Variants in SOX6 observed in about 807,000 individuals in gnomAD.
SOX6 encodes the protein transcription factor SOX-6.
A neutral mutation model predicts 97.8 loss-of-function variants in SOX6; 11 were observed. The ratio of observed to expected loss-of-function variants is 0.11; its 90% CI spans 0.07 to 0.19. The LOEUF (loss-of-function observed/expected upper bound fraction) is 0.19, where lower values mean the gene tolerates loss of function less well. Among genes scored for constraint, SOX6 ranks in the 10% least tolerant of loss-of-function variants. The pLI is 1.00. For missense variants in SOX6, 810 were observed against 1,039.5 expected, an observed-to-expected ratio of 0.78 and a Z score of 3.04; for synonymous variants, 360 against 371.4, an observed-to-expected ratio of 0.97 and a Z score of 0.35.
At chr11:16,591,775 T>C (rs1033771964) in intron 4 of SOX6, among the ~76,000 whole-genome samples, 1 of 152,152 alleles carries the variant, frequency 6.6e-6, no homozygotes, top group African/African-American at 2.4e-5. Flanking sequence ...ACAAGCCAAA[T>C]TTTAACAAAA....
chr11:16,480,278 T>C (rs931445656), upstream of SOX6, among the ~76,000 whole-genome samples: 17 of 152,180 alleles, frequency 1.1e-4, no homozygotes, highest in Non-Finnish European at 2.9e-5. Flanking sequence ...ATGTCTAATG[T>C]ATGCCAAAAT....
chr11:16,186,414 G>A (rs1851476503), intron 5 of SOX6, among the ~76,000 whole-genome samples: 1 of 152,104 alleles, frequency 6.6e-6, no homozygotes, highest in South Asian at 2.1e-4. Flanking sequence ...TTCTGGAACA[G>A]AACCCCCTTT....
chr11:16,280,400 G>A (rs1015717936), intron 3 of SOX6, among the ~76,000 whole-genome samples: 4 of 149,834 alleles, frequency 2.7e-5, no homozygotes, highest in African/African-American at 4.9e-5. Context: ...TATAGAAACC[G>A]TATGCATGAC....
chr11:16,366,326 G>A (rs1034928440), intron 1 of SOX6, among the ~76,000 whole-genome samples: 1 of 152,092 alleles, frequency 6.6e-6, no homozygotes, highest in African/African-American at 2.4e-5. Context: ...ATCCTGAAAA[G>A]GGAGCAAGTT....
chr11:16,562,126 T>C (rs1847822133), intron 4 of SOX6, among the ~76,000 whole-genome samples: 1 of 152,216 alleles, frequency 6.6e-6, no homozygotes, highest in Admixed American at 6.5e-5. Context: ...CATGTTCTTG[T>C]GTTTTTAAAA....
At chr11:16,609,461 G>C (rs899506160) in intron 4 of SOX6, among the ~76,000 whole-genome samples, 2 of 152,214 alleles carry the variant, frequency 1.3e-5, no homozygotes, top group African/African-American at 2.4e-5. Flanking sequence ...AGGACATATG[G>C]ACCAAAAGAG....
chr11:16,641,006 TG>T (rs1452399693), intron 3 of SOX6, among the ~76,000 whole-genome samples: 1 of 152,236 alleles, frequency 6.6e-6, no homozygotes, highest in African/African-American at 2.4e-5. Context: ...GATGTTAGGT[TG>T]TCCATTTTAG....
At chr11:16,667,810 G>A (rs1158834532) in intron 3 of SOX6, among the ~76,000 whole-genome samples, 1 of 152,040 alleles carries the variant, frequency 6.6e-6, no homozygotes, top group Non-Finnish European at 1.5e-5. Flanking sequence ...TAAATGTGGT[G>A]CATAAACTAC....
At chr11:16,411,336 C>A (rs1271406527) in intron 1 of SOX6, among the ~76,000 whole-genome samples, 1 of 152,050 alleles carries the variant, frequency 6.6e-6, no homozygotes, top group Non-Finnish European at 1.5e-5. Context: ...CTAGTTAGCA[C>A]CCCAATCTTT....
intron 10 of SOX6, among the ~76,000 whole-genome samples, 189 bp downstream of exon 10, chr11:16,055,563 C>T (rs765947280): frequency 7.2e-5 from 11 of 152,150 alleles, no homozygotes; most frequent in Admixed American, 2.6e-4. Flanking sequence ...TCTCACAATA[C>T]GGCACTATTG....
chr11:16,078,520 A>T (rs948995323), intron 9 of SOX6, among the ~76,000 whole-genome samples: 1 of 152,152 alleles, frequency 6.6e-6, no homozygotes, highest in African/African-American at 2.4e-5. Flanking sequence ...TAGTAAACAA[A>T]AGGTTAATTC....
intron 1 of SOX6, among the ~76,000 whole-genome samples, chr11:16,377,994 T>C (rs1857688897): frequency 6.6e-6 from 1 of 152,090 alleles, no homozygotes; most frequent in Non-Finnish European, 1.5e-5. Context: ...CCAGTAAAAA[T>C]TATCTTCGAA....
At chr11:16,535,314 T>C (rs1861291172) in intron 4 of SOX6, among the ~76,000 whole-genome samples, 1 of 152,246 alleles carries the variant, frequency 6.6e-6, no homozygotes, top group Non-Finnish European at 1.5e-5. Flanking sequence ...CTATTATTTA[T>C]ACCTATGCCC....
At chr11:16,117,411 G>T (rs967392269) in intron 6 of SOX6, among the ~76,000 whole-genome samples, 4 of 151,900 alleles carry the variant, frequency 2.6e-5, no homozygotes, top group African/African-American at 4.8e-5. Context: ...GGCAACGAGG[G>T]TCTATCAATA....
chr11:16,307,891 C>G (rs1855486226), intron 3 of SOX6, among the ~76,000 whole-genome samples: 1 of 152,146 alleles, frequency 6.6e-6, no homozygotes, highest in African/African-American at 2.4e-5. Flanking sequence ...TTAGGGGAAT[C>G]CACAGTCTTC....
At chr11:16,284,365 T>C (rs1463462950) in intron 3 of SOX6, among the ~76,000 whole-genome samples, 1 of 152,038 alleles carries the variant, frequency 6.6e-6, no homozygotes. Flanking sequence ...TCTGACAGAG[T>C]ACAAGTAAAC....
chr11:16,632,008 T>C (rs150568978), intron 3 of SOX6, among the ~76,000 whole-genome samples: 16 of 152,314 alleles, frequency 1.1e-4, no homozygotes, highest in African/African-American at 3.4e-4. Flanking sequence ...TGCATTGACT[T>C]TCAACCTTGT....
intron 3 of SOX6, among the ~76,000 whole-genome samples, chr11:16,290,095 A>G (rs1033167719): frequency 2.6e-5 from 4 of 152,148 alleles, no homozygotes; most frequent in Middle Eastern, 6.8e-3. Flanking sequence ...TACTACCCTC[A>G]GAATGGAGTT....
At chr11:16,392,326 C>T (rs923936636) in intron 1 of SOX6, among the ~76,000 whole-genome samples, 3 of 151,890 alleles carry the variant, frequency 2.0e-5, no homozygotes, top group African/African-American at 7.3e-5. Flanking sequence ...TCAACAAATG[C>T]TTAATGATAG....
Sources: gnomAD v4.1 joint callset for allele counts (sites outside exome capture counted in the v4.1 genomes callset) on GRCh38, gnomAD v4.1.1 for gene constraint, MANE v1.5 for transcripts, NCBI Gene and HGNC (gene_info 2026-07-23, HGNC 2026-07-21) for gene names.